The following AGBL4 variants were observed in gnomAD, a reference collection of about 807,000 sequenced individuals.
The protein encoded by AGBL4 is cytosolic carboxypeptidase 6.
Under a neutral mutation model 66.4 loss-of-function variants are expected in AGBL4, and 58 were observed. The ratio of observed to expected loss-of-function variants is 0.87; its 90% CI spans 0.71 to 1.09. The LOEUF (loss-of-function observed/expected upper bound fraction) is 1.09. Ranked by LOEUF, AGBL4 falls within the 50% of genes least tolerant of loss-of-function variation. AGBL4 has a pLI of 0.00. For synonymous variants in AGBL4, 234 were observed against 222.9 expected, an observed-to-expected ratio of 1.05 and a Z score of -0.44; for missense variants, 579 against 631.0, an observed-to-expected ratio of 0.92 and a Z score of 0.88.
intron 5 of AGBL4, among the ~76,000 whole-genome samples, chr1:48,978,578 A>G (rs1659517801): frequency 2.0e-5 from 3 of 152,108 alleles, no homozygotes; most frequent in Non-Finnish European, 4.4e-5. Flanking sequence ...AGGTCCTGAT[A>G]ACTCCCACTT....
At chr1:49,776,474 A>G (rs1644200227) in intron 2 of AGBL4, among the ~76,000 whole-genome samples, 1 of 152,232 alleles carries the variant, frequency 6.6e-6, no homozygotes, top group East Asian at 1.9e-4. Context: ...AGAGGCCCTT[A>G]TATGATGAGA....
At chr1:50,005,300 A>G (rs142727484) in intron 1 of AGBL4, among the ~76,000 whole-genome samples, 51 of 152,246 alleles carry the variant, frequency 3.3e-4, no homozygotes, top group African/African-American at 1.2e-3. Flanking sequence ...CAGAGAGAGA[A>G]ACTCTGTTTG....
intron 4 of AGBL4, among the ~76,000 whole-genome samples, chr1:49,052,957 G>T (rs1003227731): frequency 6.6e-6 from 1 of 152,126 alleles, no homozygotes; most frequent in African/African-American, 2.4e-5. Flanking sequence ...TTATTAATCA[G>T]TCATGTAACC....
intron 6 of AGBL4, among the ~76,000 whole-genome samples, chr1:48,781,936 A>T (rs1184131518): frequency 1.3e-5 from 2 of 152,244 alleles, no homozygotes; most frequent in Non-Finnish European, 2.9e-5. Context: ...CTTATAAATC[A>T]TGCATGCCAG....
intron 1 of AGBL4, among the ~76,000 whole-genome samples, chr1:49,893,453 G>A (rs1328969621): frequency 2.6e-5 from 4 of 152,188 alleles, no homozygotes; most frequent in Non-Finnish European, 4.4e-5. Flanking sequence ...ACTCTTGGAT[G>A]GCATTTCTGG....
intron 6 of AGBL4, among the ~76,000 whole-genome samples, chr1:48,670,631 C>T (rs1052190056): frequency 6.6e-6 from 1 of 152,234 alleles, no homozygotes; most frequent in Admixed American, 6.5e-5. Flanking sequence ...CCCTTCCTTG[C>T]CATAGGGCTG....
intron 2 of AGBL4, among the ~76,000 whole-genome samples, chr1:49,704,387 T>C (rs1368334948): frequency 6.6e-6 from 1 of 152,076 alleles, no homozygotes; most frequent in Non-Finnish European, 1.5e-5. Flanking sequence ...GAGGTAAGTA[T>C]TTTAATGAGT....
intron 11 of AGBL4, among the ~76,000 whole-genome samples, chr1:48,574,254 T>G (rs983652388): frequency 6.6e-6 from 1 of 152,182 alleles, no homozygotes; most frequent in African/African-American, 2.4e-5. Flanking sequence ...AATCCAATTC[T>G]GAGTTTCTGT....
intron 3 of AGBL4, among the ~76,000 whole-genome samples, chr1:49,489,638 A>G (rs1647146845): frequency 6.6e-6 from 1 of 151,850 alleles, no homozygotes; most frequent in African/African-American, 2.4e-5. Flanking sequence ...AGTTTCTTCA[A>G]TGTTCCTTGT....
At chr1:49,355,804 C>T (rs1041952803) in intron 3 of AGBL4, among the ~76,000 whole-genome samples, 3 of 152,152 alleles carry the variant, frequency 2.0e-5, no homozygotes, top group African/African-American at 7.2e-5. Flanking sequence ...TCTTTGCATG[C>T]TATTCTAATT....
chr1:48,688,278 G>A (rs1257641713), intron 6 of AGBL4, among the ~76,000 whole-genome samples: 1 of 152,118 alleles, frequency 6.6e-6, no homozygotes, highest in Admixed American at 6.5e-5. Context: ...ACTCAGTCTG[G>A]GCTGGTCCTC....
At chr1:49,256,491 C>T (rs1652516438) in intron 3 of AGBL4, among the ~76,000 whole-genome samples, 1 of 152,006 alleles carries the variant, frequency 6.6e-6, no homozygotes, top group South Asian at 2.1e-4. Flanking sequence ...AAGTGCAAGA[C>T]TTCAAAACGC....
intron 5 of AGBL4, among the ~76,000 whole-genome samples, chr1:48,958,490 G>A (rs146632337): frequency 2.0e-3 from 304 of 152,290 alleles, no homozygotes; most frequent in African/African-American, 6.8e-3. Context: ...TGTATACTAC[G>A]TTTAGGGCTG....
intron 5 of AGBL4, among the ~76,000 whole-genome samples, chr1:48,958,338 A>G (rs763720911): frequency 3.9e-5 from 6 of 152,128 alleles, no homozygotes; most frequent in Non-Finnish European, 7.4e-5. Flanking sequence ...TTTTCAACAA[A>G]TGTTCTTATT....
intron 1 of AGBL4, among the ~76,000 whole-genome samples, chr1:49,988,126 T>A (rs1206215333): frequency 6.6e-6 from 1 of 152,120 alleles, no homozygotes; most frequent in Admixed American, 6.5e-5. Context: ...TTTATAAATA[T>A]ATTAAGAGAA....
At chr1:49,948,664 A>C (rs1655788042) in intron 1 of AGBL4, among the ~76,000 whole-genome samples, 1 of 149,380 alleles carries the variant, frequency 6.7e-6, no homozygotes. Context: ...GGAAAACTAC[A>C]AAACACTGCT....
At chr1:48,878,705 C>T (rs1649458280) in intron 5 of AGBL4, among the ~76,000 whole-genome samples, 1 of 152,150 alleles carries the variant, frequency 6.6e-6, no homozygotes, top group Non-Finnish European at 1.5e-5. Context: ...TACCACTGTA[C>T]TTGGCACATA....
At position 49,004,847 on chromosome 1, in the gene AGBL4, T is replaced by C. The variant is rs143016962; in HGVS notation, c.594+40737A>G. ...TTGTACAAGGCCCACAATATGTATATGAAATATACCTTGACCTTTGAATAT... is the reference window on the plus strand; with the variant it reads ...TTGTACAAGGCCCACAATATGTATACGAAATATACCTTGACCTTTGAATAT... On this transcript the variant is annotated intron_variant, in intron 5 of 13. Transcript: ENST00000371839. Among the ~76,000 whole-genome samples, 21 of 152,322 alleles carry C rather than the reference T, an allele frequency of 1.4e-4. No homozygotes were observed. The East Asian group carries it at 4.1e-3, about 29-fold the overall frequency.
chr1:49,128,666 G>GA (rs370264687), intron 4 of AGBL4, among the ~76,000 whole-genome samples: 5 of 151,838 alleles, frequency 3.3e-5, no homozygotes, highest in Non-Finnish European at 5.9e-5. Context: ...ATATCCAATG[G>GA]AAAAAATAAA....
Sources: gnomAD v4.1 joint callset for allele counts (sites outside exome capture counted in the v4.1 genomes callset) on GRCh38, gnomAD v4.1.1 for gene constraint, MANE v1.5 for transcripts, NCBI Gene and HGNC (gene_info 2026-07-23, HGNC 2026-07-21) for gene names.